The following ZNF512 variants were observed in gnomAD, a reference collection of about 807,000 sequenced individuals.
The protein encoded by ZNF512 is zinc finger protein 512.
ZNF512 carries 25 observed loss-of-function variants against 77.5 expected under a neutral mutation model. The ratio of observed to expected loss-of-function variants is 0.32; its 90% CI spans 0.23 to 0.45. The LOEUF is 0.45. Among genes scored for constraint, ZNF512 ranks in the 20% least tolerant of loss-of-function variants. The probability of loss-of-function intolerance (pLI) is 1.00; values close to 1 mark genes in which losing one functional copy is unlikely to be tolerated. For synonymous variants in ZNF512, 246 were observed against 239.9 expected (o/e 1.03, Z -0.24); for missense variants, 483 against 692.6 (o/e 0.70, Z 3.40).
At chr2:27,619,230 T>C (rs1458827888) in intron 13 of ZNF512, among the ~76,000 whole-genome samples, 2 of 152,136 alleles carry the variant, frequency 1.3e-5, no homozygotes, top group African/African-American at 2.4e-5. Context: ...GCCATCATGG[T>C]GAAACCCCAT....
At chr2:27,586,214 TTTGTTG>T (rs70953868) in intron 2 of ZNF512, among the ~76,000 whole-genome samples, 21 of 149,560 alleles carry the variant, frequency 1.4e-4, no homozygotes, top group South Asian at 2.2e-4. Flanking sequence ...CCATCAAGTC[TTTGTTG>T]TTGTTGTTGT....
intron 2 of ZNF512, among the ~76,000 whole-genome samples, chr2:27,597,386 C>G (rs556303067): frequency 6.6e-6 from 1 of 152,326 alleles, no homozygotes; most frequent in East Asian, 1.9e-4. Flanking sequence ...AACTGCTGCT[C>G]TGCTGCATCT....
At position 27,583,079 on chromosome 2, in the gene ZNF512, C is replaced by G. The variant is rs368418634; in HGVS notation, c.-34C>G. 9.9e-5 allele frequency: 159 copies of G among 1,613,760 alleles called. No individual in the cohort carries two copies. The highest frequency in any genetic ancestry group is 1.3e-4 in the Non-Finnish European group (148 of 1,179,938). ...AAGTGGCGTTGGTCTGGCCGGAGCC[C>G]TTGGGTGAAATTGTTAGGCGTGGAG... On this transcript the variant is annotated 5_prime_UTR_variant, in exon 1 of 14. Coordinates refer to ENST00000355467, the MANE Select transcript of ZNF512 (RefSeq NM_032434.4).
intron 8 of ZNF512, 21 bp downstream of exon 8, chr2:27,602,582 A>G (rs774119706): frequency 1.9e-6 from 3 of 1,588,670 alleles, no homozygotes; most frequent in South Asian, 2.3e-5. Context: ...AAGGACAGCA[A>G]TTCCTTCTGC....
At chr2:27,613,179 T>C (rs1672737839) in intron 10 of ZNF512, among the ~76,000 whole-genome samples, 1 of 152,108 alleles carries the variant, frequency 6.6e-6, no homozygotes, top group Admixed American at 6.5e-5. Context: ...ATAATTTTTT[T>C]GATACTCTGC....
chr2:27,588,566 C>T (rs1176953887), intron 2 of ZNF512, among the ~76,000 whole-genome samples: 3 of 152,022 alleles, frequency 2.0e-5, no homozygotes, highest in Non-Finnish European at 4.4e-5. Flanking sequence ...TCAAACTTCA[C>T]TTGGACATGT....
chr2:27,583,695 C>T lies in ZNF512; in HGVS notation c.68C>T (p.Thr23Met). 6.2e-7 allele frequency: 1 copy of T among 1,614,122 alleles called. No homozygotes were observed. Among genetic ancestry groups the T allele is most frequent in the South Asian group, 1.1e-5 (1 of 91,078 alleles). ...ACAACCTTTAAGCAGCAGAGGAGCA[C>T]GAGGATCGTGGGAGCTAAGAAGTAA... ...GPTTFKQQRS[T>M]RIVGAKNSRT... Residue 23 changes from threonine (T) to methionine (M), a missense_variant, in exon 2 of 14, where the codon ACG becomes ATG. Around this residue, in one of 2 missense-constraint regions of ZNF512, gnomAD observed 159 missense variants for 167.5 expected, o/e 0.95. Coordinates refer to ENST00000355467, the MANE Select transcript of ZNF512 (RefSeq NM_032434.4).
At chr2:27,614,552 G>C (rs1366106553) in intron 10 of ZNF512, among the ~76,000 whole-genome samples, 2 of 151,912 alleles carry the variant, frequency 1.3e-5, no homozygotes, top group Admixed American at 6.6e-5. Context: ...TCCTACCAGA[G>C]ATGTAGTCCC....
chr2:27,604,499 G>C (rs560545838), intron 9 of ZNF512, among the ~76,000 whole-genome samples: 1 of 152,158 alleles, frequency 6.6e-6, no homozygotes, highest in South Asian at 2.1e-4. Context: ...ACATAGACTA[G>C]GCGGGGTGCC....
At chr2:27,618,650 T>C (rs540090278) in intron 13 of ZNF512, among the ~76,000 whole-genome samples, 1 of 152,304 alleles carries the variant, frequency 6.6e-6, no homozygotes, top group East Asian at 1.9e-4. Flanking sequence ...GTGGTAAATT[T>C]GATTGTTCAT....
At chr2:27,602,335 GA>G (rs1300941483) in intron 7 of ZNF512, 127 bp from the exon 8 acceptor site, 5 of 789,890 alleles carry the variant, frequency 6.3e-6, no homozygotes, top group Non-Finnish European at 9.9e-6. Context: ...CCAGGAGTCA[GA>G]AAACTTGGGC....
intron 10 of ZNF512, among the ~76,000 whole-genome samples, chr2:27,614,486 T>C (rs1672797123): frequency 6.6e-6 from 1 of 152,160 alleles, no homozygotes; most frequent in Admixed American, 6.5e-5. Context: ...CATGTTATAA[T>C]TGAAGAAAAA....
intron 10 of ZNF512, among the ~76,000 whole-genome samples, chr2:27,608,675 C>T (rs1672473064): frequency 6.6e-6 from 1 of 152,032 alleles, no homozygotes; most frequent in African/African-American, 2.4e-5. Flanking sequence ...GGATATATGA[C>T]TATCGGATAG....
intron 10 of ZNF512, among the ~76,000 whole-genome samples, chr2:27,609,878 A>G (rs551217943): frequency 5.3e-4 from 81 of 151,672 alleles, no homozygotes; most frequent in African/African-American, 1.9e-3. Flanking sequence ...TCAAAAAAAA[A>G]AAAAAATTAG....
intron 10 of ZNF512, among the ~76,000 whole-genome samples, chr2:27,609,823 C>T (rs529009193): frequency 3.4e-4 from 51 of 151,228 alleles, no homozygotes; most frequent in South Asian, 1.5e-3. Context: ...GAGCCAAGAT[C>T]GTGCCATTGC....
At chr2:27,599,801 G>T in intron 4 of ZNF512, 123 bp downstream of exon 4, 1 of 1,152,926 alleles carries the variant, frequency 8.7e-7, no homozygotes, top group East Asian at 2.5e-5. Context: ...GAATTGTTTG[G>T]GAGGGAATGG....
intron 10 of ZNF512, among the ~76,000 whole-genome samples, chr2:27,608,785 C>T (rs1672477097): frequency 6.6e-6 from 1 of 151,990 alleles, no homozygotes; most frequent in Non-Finnish European, 1.5e-5. Flanking sequence ...TGGCATAGGG[C>T]TCTGACATAT....
chr2:27,610,861 T>C (rs1192139283), intron 10 of ZNF512, among the ~76,000 whole-genome samples: 1 of 151,928 alleles, frequency 6.6e-6, no homozygotes, highest in East Asian at 1.9e-4. Context: ...CGTGAGCTAC[T>C]GTGCGTGGCC....
At chr2:27,613,947 A>C (rs944124466) in intron 10 of ZNF512, among the ~76,000 whole-genome samples, 2 of 152,056 alleles carry the variant, frequency 1.3e-5, no homozygotes, top group African/African-American at 4.8e-5. Context: ...TATTTATATA[A>C]ACTATGTACT....
Sources: allele counts gnomAD v4.1 joint callset (sites outside exome capture counted in the v4.1 genomes callset), GRCh38; gene constraint gnomAD v4.1.1; regional missense constraint gnomAD v4.1.1; transcripts MANE v1.5; gene names NCBI Gene and HGNC (gene_info 2026-07-23, HGNC 2026-07-21).